The following CTSD variants were observed in gnomAD, a reference collection of about 807,000 sequenced individuals.
CTSD encodes the protein cathepsin D, also known as ceroid-lipofuscinosis, neuronal 10.
Under a neutral mutation model 43.6 loss-of-function variants are expected in CTSD, and 28 were observed. The ratio of observed to expected loss-of-function variants is 0.64; its 90% CI spans 0.48 to 0.88. The LOEUF (loss-of-function observed/expected upper bound fraction) is 0.88, where lower values mean the gene tolerates loss of function less well. CTSD is among the 40% of genes least tolerant of loss of function. The pLI is 0.00. For synonymous variants in CTSD, 270 were observed against 249.8 expected (o/e 1.08, Z -0.76); for missense variants, 485 against 555.2 (o/e 0.87, Z 1.27).
intron 6 of CTSD, among the ~76,000 whole-genome samples, chr11:1,754,533 A>AGGGATGGAGGGGATGGAG (rs1554962373): frequency 5.3e-5 from 1 of 18,944 alleles, no homozygotes. Context: ...GAGGGGATGG[A>AGGGATGGAGGGGATGGAG]GGGATGGAGG....
rs372639641 is a variant in CTSD at position 1,754,405 on chromosome 11, G to A, written c.828-267C>T. On this transcript the variant is annotated intron_variant, in intron 6 of 8. Transcript: ENST00000236671. ...GGCATAGAGGGATGGAGGGGATGGA[G>A]GGGATGAAGGGATGGAGGGGCATGG... is the stretch of plus-strand genomic sequence containing the variant. The A allele has an allele frequency of 5.2e-5, 28 of 543,384 alleles. 1 individual carries two copies. In the East Asian group the frequency reaches 6.4e-4, roughly 12 times the overall value. 33.7% of individuals were successfully genotyped at this position (543,384 alleles called of 1,614,324 possible). A position where few individuals can be genotyped will look rare whatever the true frequency, so the allele number is the denominator to read the frequency against.
intron 1 of CTSD, 69 bp from the exon 2 acceptor site, chr11:1,761,537 A>T (rs1488357276): frequency 6.4e-7 from 1 of 1,551,858 alleles, no homozygotes; most frequent in Admixed American, 1.7e-5. Flanking sequence ...CCAATGCTGC[A>T]CATCCACCTG....
Position 1,753,570 on chromosome 11 carries a change from C to T in CTSD, c.1172G>A (p.Gly391Asp). 1 of 1,613,064 alleles carries T rather than the reference C, an allele frequency of 6.2e-7. No homozygotes were observed. Among genetic ancestry groups the T allele is most frequent in the East Asian group, 2.2e-5 (1 of 44,850 alleles). ...ACGGTCAAACACAGTGTAGTAGCGG[C>T]CGATGAAGACGTCGCCCAGGATCCA... ...PLWILGDVFI[G>D]RYYTVFDRDN... The change falls in exon 9 of 9, where the codon GGC (glycine) becomes GAC (aspartate). Residue 391 changes from glycine (G) to aspartate (D), a missense_variant. Transcript: ENST00000236671.
chr11:1,760,978 C>T (rs1194906333), intron 2 of CTSD: 3 of 393,782 alleles, frequency 7.6e-6, no homozygotes, highest in East Asian at 6.0e-5. Context: ...GGCCTCCCAG[C>T]AGGACAGCAG....
Position 1,759,612 on chromosome 11 carries a change from C to T in CTSD, c.256G>A (p.Gly86Arg), listed in dbSNP as rs1845850566. ...DAQYYGEIGI[G>R]TPPQCFTVVF... The stretch of plus-strand genomic sequence containing the variant: ...ACTGTGAAGCACTGGGGGGGCGTCC[C>T]GATGCCAATCTCCCCGTAGTACTGG... Residue 86 changes from glycine (G) to arginine (R), a missense_variant, in exon 3 of 9, where the codon GGG (glycine) becomes AGG (arginine). Physicochemically the swap from Gly to Arg is moderately radical, Grantham distance 125 (BLOSUM62 -2). Coordinates refer to ENST00000236671, the MANE Select transcript of CTSD (RefSeq NM_001909.5). 7.4e-6 allele frequency: 12 copies of T among 1,613,372 alleles called. No homozygotes were observed. The highest frequency in any genetic ancestry group is 1.0e-5 in the Non-Finnish European group (12 of 1,179,932).
intron 4 of CTSD, 122 bp downstream of exon 4, chr11:1,758,847 C>T: frequency 7.5e-6 from 6 of 799,038 alleles, no homozygotes; most frequent in Non-Finnish European, 1.3e-5. Flanking sequence ...ACTGCCCCGG[C>T]CACCTGAGGG....
intron 1 of CTSD, chr11:1,763,490 G>A: frequency 2.5e-6 from 1 of 395,146 alleles, no homozygotes; most frequent in South Asian, 3.7e-5. Flanking sequence ...ACCTCCCCCC[G>A]CCCCGCCCCG....
At chr11:1,762,802 C>T (rs918157497) in intron 1 of CTSD, among the ~76,000 whole-genome samples, 13 of 152,180 alleles carry the variant, frequency 8.5e-5, no homozygotes, top group Admixed American at 8.5e-4. Flanking sequence ...TGGCTACTCC[C>T]CCACAACGAC....
intron 7 of CTSD, 45 bp downstream of exon 7, chr11:1,753,949 C>A: frequency 3.1e-6 from 5 of 1,611,198 alleles, no homozygotes; most frequent in East Asian, 4.5e-5. Context: ...GGCCTTGGGG[C>A]TCCCCCTGCC....
In CTSD at chr11:1,755,035, G is replaced by A. The variant is rs1239192598; in HGVS notation, c.705-7C>T. ...AGGCTGCGCATCTGGGTCCCTAGGA[G>A]GAAAAGGGAGGAGTCAGCTGCCACG... is the stretch of plus-strand genomic sequence containing the variant. On this transcript the variant is annotated splice_polypyrimidine_tract_variant and splice_region_variant and intron_variant, in intron 5 of 8. Coordinates refer to ENST00000236671, the MANE Select transcript of CTSD (RefSeq NM_001909.5). 3 of 1,613,680 alleles carry A rather than the reference G, an allele frequency of 1.9e-6. No individual in the cohort carries two copies. The highest frequency in any genetic ancestry group is 1.3e-5 in the African/African-American group (1 of 74,998).
At chr11:1,759,204 G>C in intron 3 of CTSD, 117 bp from the exon 4 acceptor site, 1 of 955,234 alleles carries the variant, frequency 1.0e-6, no homozygotes, top group Non-Finnish European at 1.7e-6. Flanking sequence ...GCCTCCCCAG[G>C]GTGGGATTTG....
rs1219736653 is a variant in CTSD at position 1,758,676 on chromosome 11, C to T, written c.471+293G>A. On this transcript the variant is annotated intron_variant, in intron 4 of 8. Coordinates refer to ENST00000236671, the MANE Select transcript of CTSD (RefSeq NM_001909.5). ...CCTCAACACCTGCTGGCACCTCAAA[C>T]CCAATGTGCCAAAAAGAGCCCGATC... Among the ~76,000 whole-genome samples the T allele has an allele frequency of 2.6e-5, 4 of 152,144 alleles. No individual in the cohort carries two copies. The East Asian group carries it at 7.7e-4, about 29-fold the overall frequency.
At chr11:1,761,804 C>T in intron 1 of CTSD, 2 of 420,714 alleles carry the variant, frequency 4.8e-6, no homozygotes, top group Non-Finnish European at 9.0e-6. Context: ...GTCTCCCGTC[C>T]TCCCTCTGCA....
At chr11:1,755,163 G>A (rs1049407861) in intron 5 of CTSD, 135 bp from the exon 6 acceptor site, 1 of 1,038,170 alleles carries the variant, frequency 9.6e-7, no homozygotes, top group Non-Finnish European at 1.5e-6. Flanking sequence ...TGCAGGGATG[G>A]AAAGGCCCAG....
chr11:1,754,561 GATGGAGGA>G (rs1343865495), intron 6 of CTSD, among the ~76,000 whole-genome samples: 6 of 131,368 alleles, frequency 4.6e-5, no homozygotes, highest in Non-Finnish European at 9.4e-5. Flanking sequence ...GGGATGGAGG[GATGGAGGA>G]GATGGAGGGT....
chr11:1,753,922 G>A (rs770024065), intron 7 of CTSD, 21 bp from the exon 8 acceptor site: 34 of 1,612,492 alleles, frequency 2.1e-5, no homozygotes, highest in Non-Finnish European at 2.7e-5. Flanking sequence ...TCACAGCAGT[G>A]TCAGGGTGGT....
rs1157987826 is a variant in CTSD, at chr11:1,763,550, G to GT, written c.68+241dup. ...TGCAGTCCTCAAGGTACAACCCAGG[G>GT]TGGCATATGGGGGAGAGGCATCTGG... On this transcript the variant is annotated intron_variant, in intron 1 of 8. Transcript: ENST00000236671. 8 of 505,112 alleles carry GT rather than the reference G, an allele frequency of 1.6e-5. No individual in the cohort carries two copies. The Admixed American group carries it at 3.3e-4, about 21-fold the overall frequency. The allele number at this position is 505,112 out of a possible 1,614,324, so 31.3% of individuals were successfully genotyped here.
intron 4 of CTSD, 32 bp downstream of exon 4, chr11:1,758,937 C>T (rs372553554): frequency 5.4e-6 from 8 of 1,477,194 alleles, no homozygotes; most frequent in Non-Finnish European, 7.6e-6. Context: ...CTGGCACCCT[C>T]GAGTCCTGGG....
intron 4 of CTSD, 49 bp from the exon 5 acceptor site, chr11:1,757,605 A>G: frequency 2.1e-6 from 3 of 1,452,926 alleles, no homozygotes; most frequent in Non-Finnish European, 2.8e-6. Context: ...TGAGCCCTAC[A>G]CCACTCCCTG....
Sources: gnomAD v4.1 joint callset for allele counts (sites outside exome capture counted in the v4.1 genomes callset) on GRCh38, gnomAD v4.1.1 for gene constraint, MANE v1.5 for transcripts, NCBI Gene and HGNC (gene_info 2026-07-23, HGNC 2026-07-21) for gene names.